The following DGKI variants were observed in gnomAD, a reference collection of about 807,000 sequenced individuals.
DGKI encodes diacylglycerol kinase iota.
A neutral mutation model predicts 147.5 loss-of-function variants in DGKI; 55 were observed. The observed-to-expected ratio is 0.37, with a 90% CI of 0.30 to 0.47. The LOEUF is 0.47. DGKI is among the 20% of genes least tolerant of loss of function. The probability of loss-of-function intolerance (pLI) is 1.00; values close to 1 mark genes in which losing one functional copy is unlikely to be tolerated. For missense variants in DGKI, 1,007 were observed against 1,323.8 expected (o/e 0.76, Z 3.71); for synonymous variants, 469 against 477.1 (o/e 0.98, Z 0.22).
intron 23 of DGKI, among the ~76,000 whole-genome samples, chr7:137,483,013 G>T (rs1815423756): frequency 6.6e-6 from 1 of 152,050 alleles, no homozygotes; most frequent in Non-Finnish European, 1.5e-5. Context: ...ACCAAGATTT[G>T]ACTTGACTGT....
At chr7:137,442,981 T>C (rs1813569712) in intron 28 of DGKI, among the ~76,000 whole-genome samples, 1 of 152,128 alleles carries the variant, frequency 6.6e-6, no homozygotes, top group Admixed American at 6.5e-5. Context: ...ACCATCTATA[T>C]GGCAAAAGAA....
chr7:137,472,159 AT>A (rs1378479444), intron 23 of DGKI, among the ~76,000 whole-genome samples: 4 of 121,276 alleles, frequency 3.3e-5, no homozygotes, highest in Non-Finnish European at 4.8e-5. Flanking sequence ...ACATATAAAT[AT>A]TATATATACA....
chr7:137,527,604 T>C (rs1016734864), intron 20 of DGKI, among the ~76,000 whole-genome samples: 3 of 152,200 alleles, frequency 2.0e-5, no homozygotes, highest in Non-Finnish European at 4.4e-5. Flanking sequence ...TATCCTGTTT[T>C]CATTAACATT....
intron 30 of DGKI, among the ~76,000 whole-genome samples, chr7:137,400,636 C>A (rs932715503): frequency 6.6e-6 from 1 of 152,158 alleles, no homozygotes; most frequent in Non-Finnish European, 1.5e-5. Flanking sequence ...CAGGCATGCC[C>A]GCGGCTACCC....
chr7:137,604,577 C>T (rs942306502), intron 10 of DGKI, among the ~76,000 whole-genome samples: 4 of 152,098 alleles, frequency 2.6e-5, no homozygotes, highest in African/African-American at 4.8e-5. Flanking sequence ...CTGATAAAGA[C>T]CCTGGGACCT....
intron 1 of DGKI, among the ~76,000 whole-genome samples, chr7:137,834,939 T>C (rs1482596455): frequency 6.6e-6 from 1 of 152,152 alleles, no homozygotes; most frequent in Non-Finnish European, 1.5e-5. Context: ...CACATACCCA[T>C]TGGGACATTA....
At chr7:137,640,133 G>A (rs183275358) in intron 6 of DGKI, among the ~76,000 whole-genome samples, 6 of 151,722 alleles carry the variant, frequency 4.0e-5, no homozygotes, top group African/African-American at 1.2e-4. Flanking sequence ...GGCCTTACTC[G>A]GCTTGCATAA....
intron 10 of DGKI, among the ~76,000 whole-genome samples, chr7:137,603,041 G>C (rs560607891): frequency 1.1e-4 from 17 of 152,226 alleles, no homozygotes; most frequent in Admixed American, 1.1e-3. Flanking sequence ...GCAAGTACTA[G>C]GGAGGGAGTG....
intron 1 of DGKI, among the ~76,000 whole-genome samples, chr7:137,802,327 C>T (rs1224325232): frequency 2.6e-5 from 4 of 152,092 alleles, no homozygotes; most frequent in Non-Finnish European, 5.9e-5. Context: ...TCTCAGAAAT[C>T]GCTACTCAAG....
At chr7:137,545,640 T>C (rs1817838562) in intron 20 of DGKI, among the ~76,000 whole-genome samples, 1 of 152,188 alleles carries the variant, frequency 6.6e-6, no homozygotes, top group Non-Finnish European at 1.5e-5. Context: ...TAGCATGGAA[T>C]TCTATACAAC....
chr7:137,569,555 C>T (rs1293105371), intron 19 of DGKI, among the ~76,000 whole-genome samples: 4 of 151,168 alleles, frequency 2.6e-5, no homozygotes, highest in African/African-American at 7.3e-5. Flanking sequence ...GGTGAAATCT[C>T]GTCTCTACTA....
intron 15 of DGKI, among the ~76,000 whole-genome samples, chr7:137,581,630 C>T (rs1365355291): frequency 6.6e-6 from 1 of 151,980 alleles, no homozygotes; most frequent in African/African-American, 2.4e-5. Context: ...CCCTGGACAA[C>T]TAGGTCTCAG....
chr7:137,460,500 A>T (rs561381576), intron 27 of DGKI, among the ~76,000 whole-genome samples: 2 of 152,226 alleles, frequency 1.3e-5, no homozygotes, highest in Non-Finnish European at 2.9e-5. Flanking sequence ...ACAGGCAAAA[A>T]CAAAAATACA....
At chr7:137,605,837 G>A (rs1427063781) in intron 10 of DGKI, among the ~76,000 whole-genome samples, 2 of 152,178 alleles carry the variant, frequency 1.3e-5, no homozygotes, top group African/African-American at 4.8e-5. Context: ...GGGATGACCA[G>A]ACGTTGGACA....
Position 137,487,634 on chromosome 7 carries a change from A to G in DGKI, c.2304T>C (p.Arg768=), listed in dbSNP as rs777307030. The change falls in exon 22 of 33, where the codon CGT becomes CGC. Residue 768 remains arginine (R), a synonymous_variant. Transcript: ENST00000614521. ...VRGDCDLETC[R]MYIDRLQEDL... is the part of the protein sequence containing the mutation. ...CCTCCTGTAGGCGGTCTATGTACAT[A>G]CGGCAAGTCTCCAAATCACAGTCTC... 3 of 1,613,734 alleles carry G rather than the reference A, an allele frequency of 1.9e-6. No homozygotes were observed. The Admixed American group carries it at 5.0e-5, about 27-fold the overall frequency.
At chr7:137,410,439 A>T (rs116770740) in intron 29 of DGKI, among the ~76,000 whole-genome samples, 1,566 of 152,272 alleles carry the variant, frequency 0.01, 25 homozygotes, top group African/African-American at 0.036. Context: ...TTATTAAGTC[A>T]TGTTTTAGTC....
intron 28 of DGKI, among the ~76,000 whole-genome samples, chr7:137,423,082 G>A (rs543268515): frequency 6.6e-6 from 1 of 152,260 alleles, no homozygotes; most frequent in South Asian, 2.1e-4. Context: ...TGTTGAGAGA[G>A]TTTAATTTAG....
At chr7:137,544,868 T>C (rs1817815593) in intron 20 of DGKI, among the ~76,000 whole-genome samples, 1 of 152,166 alleles carries the variant, frequency 6.6e-6, no homozygotes, top group African/African-American at 2.4e-5. Flanking sequence ...AAATTAAACC[T>C]TGAGAACTGC....
chr7:137,512,235 A>G (rs1816603840), intron 21 of DGKI, among the ~76,000 whole-genome samples: 1 of 152,220 alleles, frequency 6.6e-6, no homozygotes, highest in Admixed American at 6.5e-5. Context: ...CACCACAGCA[A>G]TGTAACCCTG....
Sources: gnomAD v4.1 joint callset for allele counts (sites outside exome capture counted in the v4.1 genomes callset) on GRCh38, gnomAD v4.1.1 for gene constraint, MANE v1.5 for transcripts, NCBI Gene and HGNC (gene_info 2026-07-23, HGNC 2026-07-21) for gene names.